Variants in IQSEC1 observed in about 807,000 individuals in gnomAD.
The protein encoded by IQSEC1 is IQ motif and SEC7 domain-containing protein 1.
A neutral mutation model predicts 91.0 loss-of-function variants in IQSEC1; 31 were observed. That is an observed-to-expected ratio of 0.34 (90% CI 0.26 to 0.46). The LOEUF (loss-of-function observed/expected upper bound fraction) is 0.46. Among genes scored for constraint, IQSEC1 ranks in the 20% least tolerant of loss-of-function variants. The pLI is 1.00. For missense variants in IQSEC1, 1,388 were observed against 1,575.6 expected, an observed-to-expected ratio of 0.88 and a Z score of 2.02; for synonymous variants, 699 against 662.6, an observed-to-expected ratio of 1.05 and a Z score of -0.84.
chr3:13,002,185 A>G (rs796225717), intron 1 of IQSEC1, among the ~76,000 whole-genome samples: 37 of 152,330 alleles, frequency 2.4e-4, no homozygotes, highest in African/African-American at 7.2e-4. Context: ...ACAAAAATTA[A>G]CTCAAATTAA....
chr3:13,108,141 C>G (rs149496182), intron 2 of IQSEC1, among the ~76,000 whole-genome samples: 2 of 152,264 alleles, frequency 1.3e-5, no homozygotes, highest in Non-Finnish European at 2.9e-5. Flanking sequence ...GATGTCCACG[C>G]TATAGAGTTT....
At chr3:12,971,177 T>G (rs943755215) in intron 1 of IQSEC1, among the ~76,000 whole-genome samples, 4 of 152,212 alleles carry the variant, frequency 2.6e-5, no homozygotes, top group African/African-American at 4.8e-5. Flanking sequence ...GAAGCTCTCC[T>G]GAGGCAGTCT....
intron 1 of IQSEC1, among the ~76,000 whole-genome samples, chr3:12,946,387 G>A (rs1310260167): frequency 2.0e-5 from 3 of 152,174 alleles, no homozygotes; most frequent in Admixed American, 6.5e-5. Flanking sequence ...ATGGGCCGAG[G>A]CACCTCTTCC....
intron 1 of IQSEC1, among the ~76,000 whole-genome samples, chr3:12,974,908 C>T (rs1031053690): frequency 7.9e-5 from 12 of 152,356 alleles, no homozygotes; most frequent in African/African-American, 2.4e-4. Flanking sequence ...GCAGCTGTCG[C>T]CCCTGAGCTC....
At chr3:13,060,854 G>A (rs909520174) in intron 1 of IQSEC1, among the ~76,000 whole-genome samples, 1 of 152,202 alleles carries the variant, frequency 6.6e-6, no homozygotes, top group Non-Finnish European at 1.5e-5. Context: ...ACAGGGCTAC[G>A]CCCAGGCCCC....
At chr3:12,995,888 AT>A (rs1485710439) in intron 1 of IQSEC1, among the ~76,000 whole-genome samples, 1 of 152,202 alleles carries the variant, frequency 6.6e-6, no homozygotes, top group Non-Finnish European at 1.5e-5. Flanking sequence ...TTTAAAAAAT[AT>A]TTTTAAGGGC....
rs540707784 is a variant in IQSEC1, at chr3:13,190,567, A to C, written c.273-26434T>G. Among the ~76,000 whole-genome samples the C allele has an allele frequency of 7.4e-4, 113 of 151,880 alleles. 3 individuals are homozygous for C. The East Asian group carries it at 0.02, about 26-fold the overall frequency. On this transcript the variant is annotated intron_variant, in intron 1 of 15. Coordinates refer to the IQSEC1 transcript ENST00000648114. ...CAAGACCCTGTCTCAAAAAAAAAAA[A>C]CAGATAAAGTGTGGCCTTGACCTCC...
At chr3:13,270,167 CAT>C (rs1695569615) in intron 1 of IQSEC1, among the ~76,000 whole-genome samples, 1 of 152,202 alleles carries the variant, frequency 6.6e-6, no homozygotes, top group Admixed American at 6.5e-5. Context: ...CCATTAAAAA[CAT>C]AGGGAACAGA....
rs1306884796 is a variant in IQSEC1 at position 12,900,547 on chromosome 3, T to C, written c.*436A>G. 1.0e-6 allele frequency: 1 copy of C among 986,592 alleles called. No homozygotes were observed. The highest frequency in any genetic ancestry group is 1.2e-6 in the Non-Finnish European group (1 of 829,910). The allele number at this position is 986,592 out of a possible 1,614,324, so 61.1% of individuals were successfully genotyped here. ...TCAGGTCTACTTATTTTTTTGCCCA[T>C]TGTCAATAAAAGAGCAATAATGCAG... On this transcript the variant is annotated 3_prime_UTR_variant, in exon 14 of 14. Transcript: ENST00000613206.
intron 1 of IQSEC1, among the ~76,000 whole-genome samples, chr3:13,060,896 C>T (rs1705043529): frequency 6.6e-6 from 1 of 151,616 alleles, no homozygotes; most frequent in Non-Finnish European, 1.5e-5. Context: ...AATCCCACCT[C>T]AGCCCAGGGG....
Position 13,193,979 on chromosome 3 carries a change from C to T in IQSEC1, c.273-29846G>A, listed in dbSNP as rs1053831855. Among the ~76,000 whole-genome samples the T allele has an allele frequency of 6.6e-6, 1 of 152,204 alleles. No homozygotes were observed. Among genetic ancestry groups the T allele is most frequent in the Non-Finnish European group, 1.5e-5 (1 of 68,040 alleles). ...AGGCTTTGGTTGGCAAGGGTGGTTTCTCTGGCAGCCTCTCTCCCTCCTTGG... is the reference window on the plus strand; with the variant it reads ...AGGCTTTGGTTGGCAAGGGTGGTTTTTCTGGCAGCCTCTCTCCCTCCTTGG... On this transcript the variant is annotated intron_variant, in intron 1 of 15. Transcript: ENST00000648114. The surrounding 1 kb of genome is among the most constrained non-coding windows in gnomAD (Gnocchi z 4.2).
intron 13 of IQSEC1, 119 bp from the exon 14 acceptor site, chr3:12,901,641 A>C: frequency 1.2e-6 from 1 of 856,544 alleles, no homozygotes; most frequent in Non-Finnish European, 1.8e-6. Context: ...AGTTCAACTC[A>C]CTGGCCAGAG....
At chr3:13,092,768 C>A (rs1306971842) in intron 2 of IQSEC1, among the ~76,000 whole-genome samples, 4 of 152,214 alleles carry the variant, frequency 2.6e-5, no homozygotes, top group Non-Finnish European at 5.9e-5. Context: ...AGGCCCTGCG[C>A]TCTCTGGCCC....
At chr3:13,037,261 A>G (rs1171324720) in intron 1 of IQSEC1, among the ~76,000 whole-genome samples, 1 of 152,204 alleles carries the variant, frequency 6.6e-6, no homozygotes, top group Non-Finnish European at 1.5e-5. Context: ...AGCCCAGGAA[A>G]GTTGAAGACA....
At position 12,941,505 on chromosome 3, in the gene IQSEC1, G is replaced by A. The variant is rs1575990558; in HGVS notation, c.318+66C>T. 1.3e-5 allele frequency: 19 copies of A among 1,408,178 alleles called. No homozygotes were observed. The East Asian group carries it at 4.5e-4, about 33-fold the overall frequency. The allele number at this position is 1,408,178 out of a possible 1,614,324, so 87.2% of individuals were successfully genotyped here. The stretch of plus-strand genomic sequence containing the variant: ...GAGATCTGCCACCATGCCTGGTGGG[G>A]GCACACATGGTGGGCAGAGCTGCCC... On this transcript the variant is annotated intron_variant, in intron 2 of 13. Transcript: ENST00000613206.
At chr3:12,982,302 ATTGTT>A in intron 1 of IQSEC1, among the ~76,000 whole-genome samples, 3 of 152,330 alleles carry the variant, frequency 2.0e-5, no homozygotes, top group African/African-American at 7.2e-5. Flanking sequence ...GGATCCCAAA[ATTGTT>A]TATGGGTGTG....
rs145225929 is a variant in IQSEC1, at chr3:12,985,903, A to C, written c.24-44038T>G. On this transcript the variant is annotated intron_variant, in intron 1 of 13. Coordinates refer to ENST00000613206, the MANE Select transcript of IQSEC1 (RefSeq NM_001134382.3). ...AAACCCATACATAAATGGCCCAGGCAGAAAAGAAAGAGACAGGAGCTCAGA... is the reference window on the plus strand; with the variant it reads ...AAACCCATACATAAATGGCCCAGGCCGAAAAGAAAGAGACAGGAGCTCAGA... Among the ~76,000 whole-genome samples, 167 of 152,360 alleles carry C rather than the reference A, an allele frequency of 1.1e-3. 2 individuals are homozygous for C. The East Asian group carries it at 0.027, about 25-fold the overall frequency.
At chr3:13,111,973 C>T (rs530753563) in intron 2 of IQSEC1, among the ~76,000 whole-genome samples, 2 of 152,166 alleles carry the variant, frequency 1.3e-5, no homozygotes, top group Non-Finnish European at 2.9e-5. Context: ...CCTGCCATTG[C>T]CCTGGACAGC....
At chr3:13,061,689 T>C (rs1187124359) in intron 1 of IQSEC1, among the ~76,000 whole-genome samples, 1 of 152,208 alleles carries the variant, frequency 6.6e-6, no homozygotes, top group African/African-American at 2.4e-5. Flanking sequence ...GCCCTGGGCC[T>C]CTGCACACTA....
Sources: allele counts gnomAD v4.1 joint callset (sites outside exome capture counted in the v4.1 genomes callset), GRCh38; gene constraint gnomAD v4.1.1; non-coding constraint Gnocchi (gnomAD v3.1); transcripts MANE v1.5; gene names NCBI Gene and HGNC (gene_info 2026-07-23, HGNC 2026-07-21).